ZDHHC1: variants seen among roughly 807,000 people sequenced by gnomAD.
The protein encoded by ZDHHC1 is zDHHC palmitoyltransferase 1.
In ZDHHC1, 45 loss-of-function variants were observed where a neutral mutation model predicts 46.9. The observed-to-expected ratio is 0.96, with a 90% CI of 0.76 to 1.23. The LOEUF is 1.23. Ranked by LOEUF, ZDHHC1 falls within the 50% of genes most tolerant of loss-of-function variation. The pLI, the probability that ZDHHC1 is intolerant of heterozygous loss-of-function variation, is 0.00. For missense variants in ZDHHC1, 649 were observed against 670.8 expected, an observed-to-expected ratio of 0.97 and a Z score of 0.36; for synonymous variants, 291 against 286.0, an observed-to-expected ratio of 1.02 and a Z score of -0.18.
intron 10 of ZDHHC1, 46 bp downstream of exon 10, chr16:67,395,141 C>T (rs1470900928): frequency 6.2e-7 from 1 of 1,613,120 alleles, no homozygotes; most frequent in East Asian, 2.2e-5. Flanking sequence ...AGGCTTCTTT[C>T]TATCCCACTC....
At chr16:67,410,023 G>A (rs1007965407) in intron 1 of ZDHHC1, among the ~76,000 whole-genome samples, 2 of 151,994 alleles carry the variant, frequency 1.3e-5, no homozygotes, top group African/African-American at 4.8e-5. Context: ...TGGAGAGCAG[G>A]ACCCAGTGAG....
intron 1 of ZDHHC1, among the ~76,000 whole-genome samples, chr16:67,410,278 A>G (rs2040729722): frequency 6.6e-6 from 1 of 152,228 alleles, no homozygotes; most frequent in African/African-American, 2.4e-5. Context: ...ACTTGTCAGA[A>G]GGTGGCGGTG....
intron 4 of ZDHHC1, 130 bp from the exon 5 acceptor site, chr16:67,399,586 A>G: frequency 1.5e-6 from 1 of 688,806 alleles, no homozygotes; most frequent in Non-Finnish European, 2.3e-6. Flanking sequence ...GAGCGAGGCG[A>G]CGAGGAGCGC....
Sources: gnomAD v4.1 joint callset for allele counts (sites outside exome capture counted in the v4.1 genomes callset) on GRCh38, gnomAD v4.1.1 for gene constraint, MANE v1.5 for transcripts, NCBI Gene and HGNC (gene_info 2026-07-23, HGNC 2026-07-21) for gene names.